PAPPA2: variants seen among roughly 807,000 people sequenced by gnomAD.
PAPPA2 encodes pappalysin 2, also known as pappalysin-2.
A neutral mutation model predicts 176.4 loss-of-function variants in PAPPA2; 86 were observed. That is an observed-to-expected ratio of 0.49 (90% CI 0.41 to 0.58). The LOEUF is 0.58. Among genes scored for constraint, PAPPA2 ranks in the 20% least tolerant of loss-of-function variants. The pLI, the probability that PAPPA2 is intolerant of heterozygous loss-of-function variation, is 0.00. For synonymous variants in PAPPA2, 809 were observed against 852.2 expected, an observed-to-expected ratio of 0.95 and a Z score of 0.88; for missense variants, 2,073 against 2,256.9, an observed-to-expected ratio of 0.92 and a Z score of 1.65.
intron 1 of PAPPA2, among the ~76,000 whole-genome samples, chr1:176,550,706 T>C (rs1650896380): frequency 6.6e-6 from 1 of 152,236 alleles, no homozygotes; most frequent in Admixed American, 6.5e-5. Context: ...ATGGTAATTG[T>C]ATTCTGGAAA....
intron 12 of PAPPA2, among the ~76,000 whole-genome samples, chr1:176,714,046 C>T (rs535289613): frequency 2.0e-5 from 3 of 152,206 alleles, no homozygotes; most frequent in Non-Finnish European, 4.4e-5. Context: ...ACATAATGGA[C>T]CCGGGGCAGA....
At chr1:176,481,645 T>C (rs1284930094) in intron 1 of PAPPA2, among the ~76,000 whole-genome samples, 2 of 152,176 alleles carry the variant, frequency 1.3e-5, no homozygotes, top group Non-Finnish European at 2.9e-5. Flanking sequence ...AAGATAAAAA[T>C]CAAGGCTATG....
Position 176,740,257 on chromosome 1 carries a change from A to G in PAPPA2, c.4151+61A>G. ...CTTGTGGCTCTAATGATTGGCTCAC[A>G]TTTACATAGTGTTATGTATAGAGTG... On this transcript the variant is annotated intron_variant, in intron 14 of 22. Coordinates refer to ENST00000367662, the MANE Select transcript of PAPPA2 (RefSeq NM_020318.3). 6.7e-6 allele frequency: 10 copies of G among 1,484,500 alleles called. No individual in the cohort carries two copies. In the South Asian group the frequency reaches 9.4e-5, roughly 14 times the overall value. 92.0% of individuals were successfully genotyped at this position (1,484,500 alleles called of 1,614,324 possible).
chr1:176,511,379 A>G (rs913315054), intron 1 of PAPPA2, among the ~76,000 whole-genome samples: 1 of 152,198 alleles, frequency 6.6e-6, no homozygotes, highest in African/African-American at 2.4e-5. Context: ...TGTACTTCTG[A>G]TTTACAGGGA....
rs201699127 is a variant in PAPPA2, at chr1:176,630,059, CAACA to C, written c.1991+34479_1991+34482del. ...GGGGGACAAGAGTGAGACTTCATCT[CAACA>C]AACAAACAAACAAATCATTGAATGT... On this transcript the variant is annotated intron_variant, in intron 3 of 22. Coordinates refer to ENST00000367662, the MANE Select transcript of PAPPA2 (RefSeq NM_020318.3). Among the ~76,000 whole-genome samples, 759 of 152,152 alleles carry C rather than the reference CAACA, an allele frequency of 5.0e-3. 8 individuals are homozygous for C. Among genetic ancestry groups the C allele is most frequent in the African/African-American group, 0.018 (727 of 41,514 alleles).
chr1:176,485,614 T>G (rs1410767533), intron 1 of PAPPA2, among the ~76,000 whole-genome samples: 1 of 152,230 alleles, frequency 6.6e-6, no homozygotes, highest in East Asian at 1.9e-4. Context: ...GTTTATTATC[T>G]ATTTCCTACC....
At chr1:176,749,159 T>C (rs1305253669) in intron 14 of PAPPA2, among the ~76,000 whole-genome samples, 1 of 152,244 alleles carries the variant, frequency 6.6e-6, no homozygotes, top group African/African-American at 2.4e-5. Context: ...TGTTTCACTT[T>C]ATACAAGACA....
chr1:176,490,103 T>C (rs1572962747), intron 1 of PAPPA2, among the ~76,000 whole-genome samples: 1 of 152,218 alleles, frequency 6.6e-6, no homozygotes, highest in Middle Eastern at 3.4e-3. Context: ...GAGTAAGTCC[T>C]TTGGGAGTTT....
intron 12 of PAPPA2, among the ~76,000 whole-genome samples, chr1:176,724,319 G>T (rs948620304): frequency 2.6e-5 from 4 of 152,074 alleles, no homozygotes; most frequent in African/African-American, 9.7e-5. Context: ...TGGTGTCATT[G>T]GGGGATTGAG....
At chr1:176,666,630 A>AG (rs1658669755) in intron 3 of PAPPA2, among the ~76,000 whole-genome samples, 2 of 150,226 alleles carry the variant, frequency 1.3e-5, no homozygotes, top group African/African-American at 4.9e-5. Flanking sequence ...AGAGAGAGAA[A>AG]GAGAGAGACC....
chr1:176,660,591 A>AG (rs1490369599), intron 3 of PAPPA2, among the ~76,000 whole-genome samples: 1 of 152,110 alleles, frequency 6.6e-6, no homozygotes, highest in African/African-American at 2.4e-5. Context: ...CCCAGGATTT[A>AG]GTGTGAGTTG....
At chr1:176,661,851 CACA>C (rs1558503644) in intron 3 of PAPPA2, among the ~76,000 whole-genome samples, 1 of 152,102 alleles carries the variant, frequency 6.6e-6, no homozygotes, top group African/African-American at 2.4e-5. Context: ...CAGACTAATG[CACA>C]ACATCTACCA....
rs1667585294 is a variant in PAPPA2 at position 176,844,236 on chromosome 1, G to T, written c.*1782G>T. Reference sequence around the variant, plus strand: ...AAGAACAGACAAAATTTAGAGCTCAGCTGTGGTCTCTTCTCATCTTCTGCT... The same window carrying T: ...AAGAACAGACAAAATTTAGAGCTCATCTGTGGTCTCTTCTCATCTTCTGCT... On this transcript the variant is annotated 3_prime_UTR_variant, in exon 23 of 23. Coordinates refer to ENST00000367662, the MANE Select transcript of PAPPA2 (RefSeq NM_020318.3). 6.6e-6 allele frequency: 1 copy of T among 152,134 alleles called. No individual in the cohort carries two copies. The highest frequency in any genetic ancestry group is 2.4e-5 in the African/African-American group (1 of 41,444). The allele number at this position is 152,134 out of a possible 1,614,324, so 9.4% of individuals were successfully genotyped here. A position where few individuals can be genotyped will look rare whatever the true frequency, so the allele number is the denominator to read the frequency against.
intron 12 of PAPPA2, among the ~76,000 whole-genome samples, chr1:176,733,861 C>T (rs1327105432): frequency 1.3e-5 from 2 of 152,056 alleles, no homozygotes; most frequent in Non-Finnish European, 1.5e-5. Flanking sequence ...AGAACTGAAA[C>T]AGCCCCCGGC....
intron 4 of PAPPA2, among the ~76,000 whole-genome samples, chr1:176,673,030 C>T (rs773714550): frequency 1.4e-4 from 22 of 151,948 alleles, no homozygotes; most frequent in South Asian, 1.0e-3. Flanking sequence ...ACAATTACTA[C>T]GAGTGAAAAA....
intron 12 of PAPPA2, among the ~76,000 whole-genome samples, chr1:176,721,894 G>A (rs904736149): frequency 2.7e-5 from 4 of 149,666 alleles, no homozygotes; most frequent in African/African-American, 9.8e-5. Context: ...CTTTTTTTGT[G>A]TATCTTTTTA....
chr1:176,733,660 A>G (rs1662266844), intron 12 of PAPPA2, among the ~76,000 whole-genome samples: 1 of 152,142 alleles, frequency 6.6e-6, no homozygotes, highest in African/African-American at 2.4e-5. Context: ...TTGCTTATGC[A>G]TTCTTGTTCC....
intron 1 of PAPPA2, among the ~76,000 whole-genome samples, chr1:176,534,896 G>A (rs1649989219): frequency 1.3e-5 from 2 of 152,132 alleles, no homozygotes; most frequent in South Asian, 4.1e-4. Context: ...CTTAGCTCTG[G>A]GAATCCTGCT....
At position 176,590,518 on chromosome 1, in the gene PAPPA2, TCTC is replaced by T. The variant is rs564922028; in HGVS notation, c.920-4002_920-4000del. On this transcript the variant is annotated intron_variant, in intron 2 of 22. Transcript: ENST00000367662. ...TTTGATAACACATCATGAAACTCCT[TCTC>T]CTCATCACAGCTAATGTTTATTAAT... Among the ~76,000 whole-genome samples the T allele has an allele frequency of 2.4e-4, 36 of 152,274 alleles. No homozygotes were observed. The South Asian group carries it at 7.3e-3, about 31-fold the overall frequency.
Sources: allele counts gnomAD v4.1 joint callset (sites outside exome capture counted in the v4.1 genomes callset), GRCh38; gene constraint gnomAD v4.1.1; transcripts MANE v1.5; gene names NCBI Gene and HGNC (gene_info 2026-07-23, HGNC 2026-07-21).